Variants in KCNB2 observed in about 807,000 individuals in gnomAD.
KCNB2 encodes the protein delayed rectifier potassium channel protein.
Under a neutral mutation model 61.5 loss-of-function variants are expected in KCNB2, and 15 were observed. The ratio of observed to expected loss-of-function variants is 0.24; its 90% CI spans 0.16 to 0.38. The LOEUF (loss-of-function observed/expected upper bound fraction) is 0.38, where lower values mean the gene tolerates loss of function less well. KCNB2 is among the 10% of genes least tolerant of loss of function. KCNB2 has a pLI of 1.00. For synonymous variants in KCNB2, 457 were observed against 446.0 expected, an observed-to-expected ratio of 1.02 and a Z score of -0.31; for missense variants, 828 against 1,125.2, an observed-to-expected ratio of 0.74 and a Z score of 3.78.
chr8:72,719,785 CA>C (rs1385520336), intron 2 of KCNB2, among the ~76,000 whole-genome samples: 22 of 150,574 alleles, frequency 1.5e-4, no homozygotes, highest in African/African-American at 5.1e-4. Flanking sequence ...TAAAACAAAA[CA>C]AAAGAATGAA....
At chr8:72,702,554 C>A (rs1007127454) in intron 2 of KCNB2, among the ~76,000 whole-genome samples, 6 of 152,112 alleles carry the variant, frequency 3.9e-5, no homozygotes, top group Non-Finnish European at 8.8e-5. Context: ...GGATTCCTTG[C>A]ACATTGGAAA....
rs1321735487 is a variant in KCNB2 at position 72,936,757 on chromosome 8, G to A, written c.1402G>A (p.Ala468Thr). 6.2e-7 allele frequency: 1 copy of A among 1,614,180 alleles called. No individual in the cohort carries two copies. The highest frequency in any genetic ancestry group is 8.5e-7 in the Non-Finnish European group (1 of 1,180,032). The change falls in exon 3 of 3, where the codon GCT (alanine) becomes ACT (threonine). Residue 468 changes from alanine to threonine, a missense_variant. By Grantham distance (58) the Ala-to-Thr change is moderately conservative. Transcript: ENST00000523207. The surrounding 1 kb of genome is among the most constrained non-coding windows in gnomAD (Gnocchi z 5.6). ...FARSMELIDV[A>T]VEKAGESANT... ...TCGAAGTATGGAACTGATAGATGTG[G>A]CTGTTGAGAAGGCCGGAGAGTCCGC...
chr8:72,921,486 C>T (rs1291629013), intron 2 of KCNB2, among the ~76,000 whole-genome samples: 2 of 152,074 alleles, frequency 1.3e-5, no homozygotes, highest in Non-Finnish European at 2.9e-5. Flanking sequence ...ACTGGTGTTT[C>T]GGATGTAAAC....
intron 2 of KCNB2, among the ~76,000 whole-genome samples, chr8:72,924,717 C>A (rs1228021229): frequency 1.3e-5 from 2 of 152,162 alleles, no homozygotes; most frequent in Non-Finnish European, 2.9e-5. Flanking sequence ...TGGGCCCATT[C>A]AAATTATGAG....
chr8:72,641,666 C>T (rs535869138), intron 2 of KCNB2, among the ~76,000 whole-genome samples: 2 of 152,212 alleles, frequency 1.3e-5, no homozygotes, highest in Admixed American at 1.3e-4. Flanking sequence ...AATCTGGGGA[C>T]AGACTGTCTA....
At chr8:72,698,268 CCA>C (rs71267909) in intron 2 of KCNB2, among the ~76,000 whole-genome samples, 106,732 of 150,780 alleles carry the variant, frequency 0.71, 38,554 homozygotes, top group African/African-American at 0.85. Flanking sequence ...TTTGTAATAG[CCA>C]CACACACACA....
rs1809073651 is a variant in KCNB2 at position 72,798,784 on chromosome 8, C to A, written c.580-137151C>A. On this transcript the variant is annotated intron_variant, in intron 2 of 2. Transcript: ENST00000523207. ...CCATGTAGTACAGATTTGTAGGTTT[C>A]CAGTGGATTAATACGAAAAGCCCGA... Among the ~76,000 whole-genome samples, 3 of 152,126 alleles carry A rather than the reference C, an allele frequency of 2.0e-5. 1 individual carries two copies. The highest frequency in any genetic ancestry group is 2.0e-4 in the Admixed American group (3 of 15,246).
At chr8:72,613,387 G>A (rs1383985907) in intron 2 of KCNB2, among the ~76,000 whole-genome samples, 2 of 152,132 alleles carry the variant, frequency 1.3e-5, no homozygotes, top group Non-Finnish European at 2.9e-5. Context: ...AATGTTTTAA[G>A]TATCTTTCAC....
intron 2 of KCNB2, among the ~76,000 whole-genome samples, chr8:72,692,953 A>G (rs1806962300): frequency 6.6e-6 from 1 of 151,982 alleles, no homozygotes; most frequent in Admixed American, 6.6e-5. Flanking sequence ...CATGAGTCTC[A>G]TGAGTTTTGT....
chr8:72,738,892 C>G (rs2128994305), intron 2 of KCNB2, among the ~76,000 whole-genome samples: 1 of 152,268 alleles, frequency 6.6e-6, no homozygotes, highest in African/African-American at 2.4e-5. Context: ...ATAGGGGCAT[C>G]TGGGAACATT....
chr8:72,901,858 G>A (rs547708625), intron 2 of KCNB2, among the ~76,000 whole-genome samples: 7 of 152,288 alleles, frequency 4.6e-5, no homozygotes, highest in South Asian at 2.1e-4. Flanking sequence ...GAGAAGCAGG[G>A]TAGGAATTTG....
chr8:72,672,124 A>G (rs1420731651), intron 2 of KCNB2, among the ~76,000 whole-genome samples: 1 of 152,206 alleles, frequency 6.6e-6, no homozygotes, highest in Non-Finnish European at 1.5e-5. Context: ...ATTCATTCAA[A>G]TGTAGTGGTT....
chr8:72,553,096 C>T (rs189200176), intron 1 of KCNB2, among the ~76,000 whole-genome samples: 461 of 152,152 alleles, frequency 3.0e-3, no homozygotes, highest in Admixed American at 4.7e-3. Context: ...GACCAAAATA[C>T]AGTTCAAATC....
chr8:72,609,282 G>A (rs1223376642), intron 2 of KCNB2, among the ~76,000 whole-genome samples: 2 of 152,190 alleles, frequency 1.3e-5, no homozygotes, highest in East Asian at 3.9e-4. Flanking sequence ...GGACAATATA[G>A]CAGTAGTTGA....
chr8:72,759,090 G>A (rs1353463051), intron 2 of KCNB2, among the ~76,000 whole-genome samples: 1 of 152,142 alleles, frequency 6.6e-6, no homozygotes, highest in Non-Finnish European at 1.5e-5. Flanking sequence ...GGGCCACGGG[G>A]ATAGAGTGGA....
intron 2 of KCNB2, among the ~76,000 whole-genome samples, chr8:72,871,325 A>G (rs1054771153): frequency 9.2e-5 from 14 of 152,224 alleles, no homozygotes; most frequent in African/African-American, 3.4e-4. Context: ...TGAATTAACA[A>G]ATGAATGCAT....
chr8:72,737,199 C>T (rs910981557), intron 2 of KCNB2, among the ~76,000 whole-genome samples: 3 of 152,084 alleles, frequency 2.0e-5, no homozygotes, highest in African/African-American at 7.2e-5. Context: ...GATTTTTTAA[C>T]ATAAGCTTGG....
intron 2 of KCNB2, among the ~76,000 whole-genome samples, chr8:72,817,826 G>C (rs1039464220): frequency 2.0e-5 from 3 of 152,082 alleles, no homozygotes; most frequent in African/African-American, 7.2e-5. Flanking sequence ...CATTTTCTCA[G>C]AATAGTACCT....
chr8:72,826,533 T>C (rs1809599353), intron 2 of KCNB2, among the ~76,000 whole-genome samples: 1 of 152,166 alleles, frequency 6.6e-6, no homozygotes, highest in South Asian at 2.1e-4. Flanking sequence ...GAGGAAAGAA[T>C]AAAAGGAAAT....
Sources: gnomAD v4.1 joint callset for allele counts (sites outside exome capture counted in the v4.1 genomes callset) on GRCh38, gnomAD v4.1.1 for gene constraint, Gnocchi (gnomAD v3.1) non-coding constraint, MANE v1.5 for transcripts, NCBI Gene and HGNC (gene_info 2026-07-23, HGNC 2026-07-21) for gene names.